The following ATP10A variants were observed in gnomAD, a reference collection of about 807,000 sequenced individuals.
The protein encoded by ATP10A is phospholipid-transporting ATPase VA.
Under a neutral mutation model 147.8 loss-of-function variants are expected in ATP10A, and 111 were observed. The observed-to-expected ratio is 0.75, with a 90% CI of 0.64 to 0.88. The LOEUF is 0.88. Ranked by LOEUF, ATP10A falls within the 40% of genes least tolerant of loss-of-function variation. The pLI is 0.00. For synonymous variants in ATP10A, 875 were observed against 841.6 expected (o/e 1.04, Z -0.69); for missense variants, 1,927 against 1,959.0 (o/e 0.98, Z 0.31).
At chr15:25,773,223 C>T (rs1340072518) in intron 2 of ATP10A, among the ~76,000 whole-genome samples, 1 of 152,166 alleles carries the variant, frequency 6.6e-6, no homozygotes, top group Non-Finnish European at 1.5e-5. Flanking sequence ...CCTAATACCA[C>T]AGTGAGAACC....
At chr15:25,791,857 T>A (rs1235943817) in intron 1 of ATP10A, among the ~76,000 whole-genome samples, 3 of 152,228 alleles carry the variant, frequency 2.0e-5, no homozygotes, top group Non-Finnish European at 4.4e-5. Context: ...AATTTTGTTA[T>A]ATAATCCTTT....
In ATP10A at chr15:25,789,502, G is replaced by T. The variant is rs184494174; in HGVS notation, c.450-8279C>A. Among the ~76,000 whole-genome samples the T allele has an allele frequency of 1.8e-3, 266 of 151,908 alleles. 2 individuals are homozygous for T. The highest frequency in any genetic ancestry group is 6.2e-3 in the African/African-American group (258 of 41,408). On this transcript the variant is annotated intron_variant, in intron 1 of 20. Coordinates refer to ENST00000555815, the MANE Select transcript of ATP10A (RefSeq NM_024490.4). ...TGGAATAATCATTAGTGCCAAGGCC[G>T]ATGCCTTGGGAATAAGAAAACCCTT... is the stretch of plus-strand genomic sequence containing the variant.
rs1475974502 is a variant in ATP10A at position 25,679,730 on chromosome 15, TG to T, written c.4110del (p.Ser1371AlafsTer5). The T allele has an allele frequency of 6.2e-7, 1 of 1,613,392 alleles. No homozygotes were observed. Among genetic ancestry groups the T allele is most frequent in the Admixed American group, 1.7e-5 (1 of 60,026 alleles). ...PVCSLEASGE[P>X]STVDMSMPVR... ...ACTGGCATGCTCATGTCCACTGTGC[TG>T]GGCTCCCCGCTGGCCTCCAGGGAGC... On this transcript the variant is annotated frameshift_variant, in exon 21 of 21. Coordinates refer to ENST00000555815, the MANE Select transcript of ATP10A (RefSeq NM_024490.4). LOFTEE classifies it high-confidence loss of function.
chr15:25,770,049 A>G (rs1421299544), intron 2 of ATP10A, among the ~76,000 whole-genome samples: 1 of 152,156 alleles, frequency 6.6e-6, no homozygotes, highest in Non-Finnish European at 1.5e-5. Flanking sequence ...CAGACTCCGG[A>G]ACTGTGAGAA....
intron 1 of ATP10A, among the ~76,000 whole-genome samples, chr15:25,811,184 CA>C (rs1284155163): frequency 1.3e-5 from 2 of 152,186 alleles, no homozygotes; most frequent in Non-Finnish European, 2.9e-5. Flanking sequence ...AGTCAGTATC[CA>C]GGGGCACTGC....
At chr15:25,813,692 A>T (rs553141823) in intron 1 of ATP10A, among the ~76,000 whole-genome samples, 5 of 152,188 alleles carry the variant, frequency 3.3e-5, no homozygotes, top group African/African-American at 1.2e-4. Context: ...AAAAAATAAA[A>T]TTTTTTAAGA....
chr15:25,698,110 A>T (rs28834379), intron 13 of ATP10A, among the ~76,000 whole-genome samples: 12,288 of 152,242 alleles, frequency 0.081, 938 homozygotes, highest in African/African-American at 0.2. Context: ...AAAAAAGGAC[A>T]CTAGGTAAAA....
At chr15:25,691,098 T>A (rs112119786) in intron 15 of ATP10A, among the ~76,000 whole-genome samples, 7 of 152,326 alleles carry the variant, frequency 4.6e-5, no homozygotes, top group African/African-American at 1.7e-4. Flanking sequence ...GAACTTCGGA[T>A]AAATTGTTCC....
intron 2 of ATP10A, among the ~76,000 whole-genome samples, chr15:25,761,927 G>A (rs886663707): frequency 2.6e-5 from 4 of 152,188 alleles, no homozygotes; most frequent in Non-Finnish European, 5.9e-5. Context: ...TGAAATGTGA[G>A]GACGTGAGAT....
chr15:25,697,307 C>T (rs1011601861), intron 13 of ATP10A, among the ~76,000 whole-genome samples: 2 of 152,156 alleles, frequency 1.3e-5, no homozygotes, highest in Non-Finnish European at 2.9e-5. Context: ...GGTTGATCAC[C>T]TGCTTAAAAA....
At chr15:25,696,148 C>T (rs1410244346) in intron 13 of ATP10A, among the ~76,000 whole-genome samples, 1 of 152,182 alleles carries the variant, frequency 6.6e-6, no homozygotes, top group Admixed American at 6.5e-5. Flanking sequence ...GGTCAGTGAC[C>T]AGTGCCCTGC....
At chr15:25,832,692 G>T (rs1892410401) in intron 1 of ATP10A, among the ~76,000 whole-genome samples, 1 of 152,000 alleles carries the variant, frequency 6.6e-6, no homozygotes, top group Non-Finnish European at 1.5e-5. Flanking sequence ...GAAATGAAAA[G>T]AGTATGTTAC....
At chr15:25,735,845 T>C (rs1405464948) in intron 3 of ATP10A, among the ~76,000 whole-genome samples, 1 of 152,126 alleles carries the variant, frequency 6.6e-6, no homozygotes, top group Non-Finnish European at 1.5e-5. Flanking sequence ...GTGGCAAGCT[T>C]CTACTGACAA....
At chr15:25,847,133 C>T (rs1048944533) in intron 1 of ATP10A, among the ~76,000 whole-genome samples, 2 of 152,238 alleles carry the variant, frequency 1.3e-5, no homozygotes, top group Non-Finnish European at 1.5e-5. Context: ...GTGTTAGACA[C>T]TTTCTCAAAA....
At chr15:25,835,906 G>A (rs1286230141) in intron 1 of ATP10A, among the ~76,000 whole-genome samples, 8 of 152,220 alleles carry the variant, frequency 5.3e-5, no homozygotes, top group African/African-American at 7.2e-5. Flanking sequence ...CTCTGCCTCC[G>A]GGGCTCACGC....
intron 2 of ATP10A, among the ~76,000 whole-genome samples, chr15:25,765,137 A>G (rs1015802596): frequency 1.6e-4 from 25 of 152,092 alleles, no homozygotes; most frequent in African/African-American, 6.0e-4. Context: ...AGCCCTGTGG[A>G]GCCCTCATGA....
chr15:25,830,964 G>A (rs1172669167), intron 1 of ATP10A, among the ~76,000 whole-genome samples: 2 of 152,176 alleles, frequency 1.3e-5, no homozygotes, highest in African/African-American at 4.8e-5. Flanking sequence ...CAGAGCTTTG[G>A]CTGTGCCGGG....
intron 1 of ATP10A, among the ~76,000 whole-genome samples, chr15:25,857,766 G>A (rs1207698924): frequency 6.6e-6 from 1 of 152,138 alleles, no homozygotes; most frequent in East Asian, 1.9e-4. Context: ...ACCAAGTAAG[G>A]TAATAACTGT....
At chr15:25,812,879 G>A (rs1891492745) in intron 1 of ATP10A, among the ~76,000 whole-genome samples, 1 of 152,170 alleles carries the variant, frequency 6.6e-6, no homozygotes, top group Non-Finnish European at 1.5e-5. Flanking sequence ...TTACTCTTCT[G>A]CATCAAATAA....
Sources: allele counts gnomAD v4.1 joint callset (sites outside exome capture counted in the v4.1 genomes callset), GRCh38; gene constraint gnomAD v4.1.1; transcripts MANE v1.5; gene names NCBI Gene and HGNC (gene_info 2026-07-23, HGNC 2026-07-21).